ANKS1B: variants seen among roughly 807,000 people sequenced by gnomAD.
ANKS1B encodes the protein ankyrin repeat and sterile alpha motif domain-containing protein 1B.
Under a neutral mutation model 148.3 loss-of-function variants are expected in ANKS1B, and 36 were observed. The ratio of observed to expected loss-of-function variants is 0.24; its 90% confidence interval spans 0.19 to 0.32. ANKS1B has a LOEUF of 0.32. Ranked by LOEUF, ANKS1B falls within the 10% of genes least tolerant of loss-of-function variation. The pLI is 1.00. For synonymous variants in ANKS1B, 542 were observed against 560.8 expected (o/e 0.97, Z 0.47); for missense variants, 1,157 against 1,542.6 (o/e 0.75, Z 4.19).
intron 9 of ANKS1B, among the ~76,000 whole-genome samples, chr12:99,643,294 A>G (rs936728500): frequency 2.6e-5 from 4 of 152,212 alleles, no homozygotes; most frequent in Admixed American, 6.5e-5. Context: ...TAAATCAAGC[A>G]TGAGTCAGAC....
intron 14 of ANKS1B, among the ~76,000 whole-genome samples, chr12:99,205,377 G>C (rs1163677631): frequency 6.6e-6 from 1 of 152,120 alleles, no homozygotes; most frequent in African/African-American, 2.4e-5. Context: ...TAGAGAATGA[G>C]GTACTGCCTG....
chr12:99,469,147 G>A (rs940674252), intron 10 of ANKS1B, among the ~76,000 whole-genome samples: 1 of 151,870 alleles, frequency 6.6e-6, no homozygotes, highest in African/African-American at 2.4e-5. Context: ...GTAGGGACAT[G>A]GATGAAATTG....
At chr12:99,520,453 C>T (rs1326469646) in intron 9 of ANKS1B, among the ~76,000 whole-genome samples, 3 of 152,132 alleles carry the variant, frequency 2.0e-5, no homozygotes, top group East Asian at 1.9e-4. Context: ...CATATTGGAG[C>T]TGTTATTTGT....
At chr12:98,828,584 A>G (rs1354295905) in intron 19 of ANKS1B, among the ~76,000 whole-genome samples, 3 of 152,256 alleles carry the variant, frequency 2.0e-5, no homozygotes. Context: ...GTTTCTAAGC[A>G]GCAATCCGAG....
intron 11 of ANKS1B, among the ~76,000 whole-genome samples, chr12:99,438,907 GAA>G (rs145240474): frequency 1.3e-5 from 2 of 150,778 alleles, no homozygotes; most frequent in African/African-American, 2.4e-5. Flanking sequence ...ACAAATATTA[GAA>G]AAAAAAGTCA....
chr12:99,548,496 CTACAAAA>C (rs1308020917), intron 9 of ANKS1B, among the ~76,000 whole-genome samples: 1 of 152,100 alleles, frequency 6.6e-6, no homozygotes, highest in Non-Finnish European at 1.5e-5. Context: ...CACCACCATT[CTACAAAA>C]TACCTTTTGC....
At chr12:98,921,437 G>C (rs1596969909) in intron 17 of ANKS1B, among the ~76,000 whole-genome samples, 1 of 152,146 alleles carries the variant, frequency 6.6e-6, no homozygotes, top group East Asian at 1.9e-4. Flanking sequence ...CTTTACTTTT[G>C]CCACTGTTTT....
chr12:98,916,388 C>T (rs866478704), intron 17 of ANKS1B, among the ~76,000 whole-genome samples: 4 of 152,300 alleles, frequency 2.6e-5, no homozygotes, highest in Middle Eastern at 3.4e-3. Context: ...CTGACAGCCA[C>T]GTTTAAGGAG....
chr12:99,531,343 T>A (rs973297963), intron 9 of ANKS1B, among the ~76,000 whole-genome samples: 2 of 152,178 alleles, frequency 1.3e-5, no homozygotes, highest in African/African-American at 4.8e-5. Flanking sequence ...GTTACATGGA[T>A]AAATTATAGG....
intron 12 of ANKS1B, among the ~76,000 whole-genome samples, chr12:99,338,300 T>C (rs1365498604): frequency 6.6e-6 from 1 of 152,140 alleles, no homozygotes; most frequent in Non-Finnish European, 1.5e-5. Flanking sequence ...CCCCTGTGGG[T>C]ACCACTGCCC....
chr12:99,968,584 TC>T (rs1301226824), intron 1 of ANKS1B, among the ~76,000 whole-genome samples: 3 of 152,132 alleles, frequency 2.0e-5, no homozygotes, highest in South Asian at 2.1e-4. Flanking sequence ...AATCAATCAA[TC>T]AATCAATGCT....
At chr12:98,895,879 C>A (rs1222667721) in intron 17 of ANKS1B, among the ~76,000 whole-genome samples, 1 of 152,122 alleles carries the variant, frequency 6.6e-6, no homozygotes, top group African/African-American at 2.4e-5. Flanking sequence ...TTTAAAATCC[C>A]ATTTTTTTCC....
intron 12 of ANKS1B, among the ~76,000 whole-genome samples, chr12:99,270,361 A>G (rs2076908516): frequency 6.6e-6 from 1 of 152,196 alleles, no homozygotes; most frequent in South Asian, 2.1e-4. Flanking sequence ...TCATCCTCTT[A>G]GCCCTCACCC....
chr12:99,266,153 A>C (rs981235700), intron 12 of ANKS1B, among the ~76,000 whole-genome samples: 2 of 152,132 alleles, frequency 1.3e-5, no homozygotes, highest in Non-Finnish European at 2.9e-5. Context: ...AAAGTTTTTC[A>C]TATAATTCTA....
intron 14 of ANKS1B, among the ~76,000 whole-genome samples, chr12:99,182,849 C>T (rs2079292394): frequency 1.3e-5 from 2 of 152,136 alleles, no homozygotes; most frequent in Admixed American, 6.5e-5. Context: ...TGGATAAAAG[C>T]CATTTAACTG....
intron 17 of ANKS1B, among the ~76,000 whole-genome samples, chr12:98,863,284 TG>T (rs1378187456): frequency 1.3e-5 from 2 of 152,102 alleles, no homozygotes; most frequent in African/African-American, 4.8e-5. Context: ...AACAAAACAG[TG>T]GGGTTTTTCT....
intron 17 of ANKS1B, among the ~76,000 whole-genome samples, chr12:98,995,019 G>A (rs1279417750): frequency 6.6e-6 from 1 of 152,190 alleles, no homozygotes; most frequent in Non-Finnish European, 1.5e-5. Context: ...GAGTGAATGA[G>A]TTAAAGAGGC....
intron 4 of ANKS1B, among the ~76,000 whole-genome samples, chr12:99,800,708 TA>T (rs1410035561): frequency 6.6e-6 from 1 of 151,988 alleles, no homozygotes; most frequent in Non-Finnish European, 1.5e-5. Context: ...AAGAAAGGGG[TA>T]CAGATGCTAG....
chr12:99,106,567 G>T (rs1241795289), intron 15 of ANKS1B, among the ~76,000 whole-genome samples: 1 of 152,144 alleles, frequency 6.6e-6, no homozygotes, highest in African/African-American at 2.4e-5. Flanking sequence ...GGTTTCTAAA[G>T]GTGTCTTTTT....
Sources: allele counts gnomAD v4.1 joint callset (sites outside exome capture counted in the v4.1 genomes callset), GRCh38; gene constraint gnomAD v4.1.1; transcripts MANE v1.5; gene names NCBI Gene and HGNC (gene_info 2026-07-23, HGNC 2026-07-21).